RBM33: variants seen among roughly 807,000 people sequenced by gnomAD.
RBM33 encodes RNA-binding protein 33.
Under a neutral mutation model 132.6 loss-of-function variants are expected in RBM33, and 28 were observed. The observed-to-expected ratio is 0.21, with a 90% CI of 0.16 to 0.29. RBM33 has a LOEUF of 0.29. Among genes scored for constraint, RBM33 ranks in the 10% least tolerant of loss-of-function variants. The pLI, the probability that RBM33 is intolerant of heterozygous loss-of-function variation, is 1.00. For missense variants in RBM33, 1,291 were observed against 1,518.5 expected (o/e 0.85, Z 2.49); for synonymous variants, 634 against 593.0 (o/e 1.07, Z -1.01).
intron 6 of RBM33, among the ~76,000 whole-genome samples, chr7:155,703,474 G>T (rs764935417): frequency 6.6e-6 from 1 of 152,118 alleles, no homozygotes; most frequent in Non-Finnish European, 1.5e-5. Context: ...TGTAGAATGT[G>T]GTTGTTTGGC....
At chr7:155,652,517 T>G (rs2116868856) in intron 1 of RBM33, among the ~76,000 whole-genome samples, 1 of 152,316 alleles carries the variant, frequency 6.6e-6, no homozygotes, top group South Asian at 2.1e-4. Context: ...CTTATCCAAG[T>G]CGAGGATTCT....
chr7:155,690,546 C>G (rs986581097), intron 5 of RBM33, among the ~76,000 whole-genome samples: 1 of 152,268 alleles, frequency 6.6e-6, no homozygotes, highest in South Asian at 2.1e-4. Context: ...TTATTTGATG[C>G]AGTTTCTTCC....
intron 5 of RBM33, among the ~76,000 whole-genome samples, chr7:155,696,141 T>C (rs1799788772): frequency 6.6e-6 from 1 of 152,238 alleles, no homozygotes; most frequent in Non-Finnish European, 1.5e-5. Flanking sequence ...ATCAGTACTA[T>C]ACAGTCTTGA....
intron 6 of RBM33, 124 bp from the exon 7 acceptor site, chr7:155,706,736 T>C (rs1800125720): frequency 2.7e-6 from 2 of 751,914 alleles, no homozygotes; most frequent in Admixed American, 5.3e-5. Context: ...GTTGGGTGTT[T>C]CCTGCGGGTG....
rs1801256709 is a variant in RBM33 at position 155,739,798 on chromosome 7, T to TCCACACCAGCCC, written c.1823_1824insACACCAGCCCCC (p.His613_Pro616dup). The stretch of plus-strand genomic sequence containing the variant: ...AACAGCCCCCGCCACAGCACCAGCC[T>TCCACACCAGCCC]CCGCACCAGCCCCCGCACCAGCCCC... On this transcript the variant is annotated inframe_insertion, in exon 12 of 18. Coordinates refer to ENST00000401878, the MANE Select transcript of RBM33 (RefSeq NM_053043.3). 5 of 1,417,924 alleles carry TCCACACCAGCCC rather than the reference T, an allele frequency of 3.5e-6. No homozygotes were observed. The highest frequency in any genetic ancestry group is 5.3e-5 in the East Asian group (2 of 37,616). 87.8% of individuals were successfully genotyped at this position (1,417,924 alleles called of 1,614,324 possible). A position where few individuals can be genotyped will look rare whatever the true frequency, so the allele number is the denominator to read the frequency against.
chr7:155,719,745 T>C (rs1042879603), intron 9 of RBM33, among the ~76,000 whole-genome samples: 11 of 152,236 alleles, frequency 7.2e-5, no homozygotes, highest in African/African-American at 2.7e-4. Flanking sequence ...ACAAATACTT[T>C]TTGCTTTTTC....
At chr7:155,708,374 C>T (rs891415976) in intron 7 of RBM33, among the ~76,000 whole-genome samples, 4 of 152,234 alleles carry the variant, frequency 2.6e-5, no homozygotes, top group African/African-American at 9.6e-5. Context: ...CAAACCTCCA[C>T]TGGCCATATG....
chr7:155,779,351 C>T lies in RBM33; in HGVS notation c.*4310C>T, dbSNP rs1563189959. 1 of 152,094 alleles carries T rather than the reference C, an allele frequency of 6.6e-6. No homozygotes were observed. Among genetic ancestry groups the T allele is most frequent in the Non-Finnish European group, 1.5e-5 (1 of 68,022 alleles). 9.4% of individuals were successfully genotyped at this position (152,094 alleles called of 1,614,324 possible). ...GCAGGGCAGGAAAGGTTCGGAGGCACCCGACTACCACCACTCGGAAAGCCG... is the reference window on the plus strand; with the variant it reads ...GCAGGGCAGGAAAGGTTCGGAGGCATCCGACTACCACCACTCGGAAAGCCG... On this transcript the variant is annotated 3_prime_UTR_variant, in exon 18 of 18. Coordinates refer to ENST00000401878, the MANE Select transcript of RBM33 (RefSeq NM_053043.3).
chr7:155,657,713 T>C (rs1798530465), intron 1 of RBM33, among the ~76,000 whole-genome samples: 1 of 152,216 alleles, frequency 6.6e-6, no homozygotes, highest in Non-Finnish European at 1.5e-5. Flanking sequence ...TGGATGATTG[T>C]GATTAAGTAC....
intron 1 of RBM33, among the ~76,000 whole-genome samples, chr7:155,658,393 T>TC (rs1798549451): frequency 6.7e-6 from 1 of 149,322 alleles, no homozygotes; most frequent in African/African-American, 2.5e-5. Flanking sequence ...GATTTTTTTT[T>TC]TTTTTTTTTT....
chr7:155,660,510 G>T (rs1773827245), intron 1 of RBM33, among the ~76,000 whole-genome samples: 1 of 152,206 alleles, frequency 6.6e-6, no homozygotes, highest in Non-Finnish European at 1.5e-5. Flanking sequence ...ATCTGTGAAT[G>T]TCTTTATGAA....
At chr7:155,719,473 T>A (rs1018176161) in intron 9 of RBM33, among the ~76,000 whole-genome samples, 1 of 152,218 alleles carries the variant, frequency 6.6e-6, no homozygotes, top group African/African-American at 2.4e-5. Flanking sequence ...CTTGTAGTTA[T>A]GAATTATGAC....
intron 1 of RBM33, among the ~76,000 whole-genome samples, chr7:155,653,002 A>G (rs996755806): frequency 3.9e-5 from 6 of 152,240 alleles, no homozygotes; most frequent in Non-Finnish European, 8.8e-5. Flanking sequence ...TGATGTCTTC[A>G]AGATTCATCA....
chr7:155,760,301 G>A (rs1391577566), intron 14 of RBM33, among the ~76,000 whole-genome samples: 1 of 152,206 alleles, frequency 6.6e-6, no homozygotes, highest in African/African-American at 2.4e-5. Flanking sequence ...GATTGCTTAA[G>A]TTCATACGAT....
At chr7:155,673,789 C>CACAA (rs1554469969) in intron 3 of RBM33, among the ~76,000 whole-genome samples, 4 of 146,970 alleles carry the variant, frequency 2.7e-5, no homozygotes, top group African/African-American at 5.3e-5. Flanking sequence ...CACACACACA[C>CACAA]ACACACACAC....
chr7:155,656,598 AT>A (rs1798498672), intron 1 of RBM33, among the ~76,000 whole-genome samples: 1 of 152,218 alleles, frequency 6.6e-6, no homozygotes, highest in Non-Finnish European at 1.5e-5. Context: ...GAAAAAAAAA[AT>A]ATGTGTATGT....
intron 9 of RBM33, among the ~76,000 whole-genome samples, chr7:155,724,911 A>G (rs1001468252): frequency 1.3e-5 from 2 of 151,862 alleles, no homozygotes; most frequent in Admixed American, 6.6e-5. Context: ...TTGTGTATCC[A>G]TTCACCTGAT....
At chr7:155,730,065 A>T (rs183323520) in intron 9 of RBM33, among the ~76,000 whole-genome samples, 7 of 152,340 alleles carry the variant, frequency 4.6e-5, no homozygotes, top group Non-Finnish European at 1.0e-4. Flanking sequence ...GCTATTACAA[A>T]CAGGCATTTC....
chr7:155,761,936 T>C (rs1373736994), intron 14 of RBM33, among the ~76,000 whole-genome samples: 1 of 152,198 alleles, frequency 6.6e-6, no homozygotes, highest in Non-Finnish European at 1.5e-5. Flanking sequence ...AATTTTGATG[T>C]GTTGTATTTT....
Sources: allele counts gnomAD v4.1 joint callset (sites outside exome capture counted in the v4.1 genomes callset), GRCh38; gene constraint gnomAD v4.1.1; transcripts MANE v1.5; gene names NCBI Gene and HGNC (gene_info 2026-07-23, HGNC 2026-07-21).